The following KCNH6 variants were observed in gnomAD, a reference collection of about 807,000 sequenced individuals.
KCNH6 encodes potassium voltage-gated channel subfamily H member 6.
KCNH6 carries 81 observed loss-of-function variants against 83.4 expected under a neutral mutation model. That is an observed-to-expected ratio of 0.97 (90% CI 0.81 to 1.17). KCNH6 has a LOEUF of 1.17. KCNH6 is among the 50% of genes most tolerant of loss of function. The pLI, the probability that KCNH6 is intolerant of heterozygous loss-of-function variation, is 0.00. For synonymous variants in KCNH6, 503 were observed against 545.6 expected (o/e 0.92, Z 1.09); for missense variants, 1,203 against 1,290.5 (o/e 0.93, Z 1.04).
Position 63,545,714 on chromosome 17 carries a change from T to C in KCNH6, c.2689T>C (p.Ser897Pro), listed in dbSNP as rs1339279169. The C allele has an allele frequency of 6.2e-7, 1 of 1,614,014 alleles. No individual in the cohort carries two copies. Among genetic ancestry groups the C allele is most frequent in the South Asian group, 1.1e-5 (1 of 91,076 alleles). Reference protein sequence around the residue: ...VATDKTLAPSSEQEQPEGLWP... With the variant: ...VATDKTLAPSPEQEQPEGLWP... ...AACGGACAAAACTCTGGCACCATCC[T>C]CAGAACAGGAACAGCCTGAGGGGCT... The change falls in exon 13 of 13, where the codon TCA becomes CCA. Residue 897 changes from serine (S) to proline (P), a missense_variant. Physicochemically the swap from Ser to Pro is moderately conservative, Grantham distance 74. Transcript: ENST00000314672.
chr17:63,535,615 T>G lies in KCNH6; in HGVS notation c.1102-54T>G. ...ATGAGTGAACAAAAGCAGGCCTGAC[T>G]GCACCCTTCCAAGGGCTGACCCCAG... On this transcript the variant is annotated intron_variant, in intron 5 of 12. Coordinates refer to ENST00000314672, the MANE Select transcript of KCNH6 (RefSeq NM_001278919.2). This position sits in a 1 kb window ranked among gnomAD's most constrained non-coding sequence, Gnocchi z 4.9. 6.6e-7 allele frequency: 1 copy of G among 1,519,776 alleles called. No individual in the cohort carries two copies. Among genetic ancestry groups the G allele is most frequent in the Non-Finnish European group, 8.9e-7 (1 of 1,124,038 alleles). The allele number at this position is 1,519,776 out of a possible 1,614,324, so 94.1% of individuals were successfully genotyped here. A position where few individuals can be genotyped will look rare whatever the true frequency, so the allele number is the denominator to read the frequency against.
chr17:63,541,077 T>C (rs951297518), intron 8 of KCNH6, among the ~76,000 whole-genome samples: 1 of 152,154 alleles, frequency 6.6e-6, no homozygotes, highest in Non-Finnish European at 1.5e-5. Flanking sequence ...TGCTGTAAAC[T>C]TGTTGGCTGC....
At chr17:63,532,497 G>T (rs1346554492) in intron 4 of KCNH6, among the ~76,000 whole-genome samples, 2 of 152,190 alleles carry the variant, frequency 1.3e-5, no homozygotes, top group Non-Finnish European at 2.9e-5. Flanking sequence ...CAGGGGCAGG[G>T]AGAAAATAAA....
In KCNH6 at chr17:63,542,430, G is replaced by A. The variant is rs76596875; in HGVS notation, c.2144G>A (p.Arg715Gln). ...AAGCTGGAGGTCACCTTCAACCTGCGGGACGTGAGTCAGGGCCAGGTGGGC... is the reference window on the plus strand; with the variant it reads ...AAGCTGGAGGTCACCTTCAACCTGCAGGACGTGAGTCAGGGCCAGGTGGGC... Reference protein sequence around the residue: ...WSKLEVTFNLRDAAGGLHSSP... With the variant: ...WSKLEVTFNLQDAAGGLHSSP... The change falls in exon 9 of 13, where the codon CGG (arginine) becomes CAG (glutamine). Residue 715 changes from arginine to glutamine, a missense_variant. Physicochemically the swap from Arg to Gln is conservative, Grantham distance 43 (BLOSUM62 1). Transcript: ENST00000314672. 14 of 1,613,630 alleles carry A rather than the reference G, an allele frequency of 8.7e-6. No homozygotes were observed. The highest frequency in any genetic ancestry group is 1.1e-5 in the South Asian group (1 of 91,074).
At position 63,537,928 on chromosome 17, in the gene KCNH6, C is replaced by A. The variant is rs1258336732; in HGVS notation, c.1502-137C>A. 3.7e-6 allele frequency: 3 copies of A among 815,350 alleles called. No individual in the cohort carries two copies. In the African/African-American group the frequency reaches 5.1e-5, roughly 14 times the overall value. 50.5% of individuals were successfully genotyped at this position (815,350 alleles called of 1,614,324 possible). Reference sequence around the variant, plus strand: ...TGTCCCGCATGTGCCCTGGCGCTGTCCTGGTCACTCCTGACTTCTCCCTGG... The same window carrying A: ...TGTCCCGCATGTGCCCTGGCGCTGTACTGGTCACTCCTGACTTCTCCCTGG... On this transcript the variant is annotated intron_variant, in intron 6 of 12. Transcript: ENST00000314672.
chr17:63,530,095 C>T lies in KCNH6; in HGVS notation c.312C>T (p.Ser104=). 2 of 1,613,204 alleles carry T rather than the reference C, an allele frequency of 1.2e-6. No individual in the cohort carries two copies. The highest frequency in any genetic ancestry group is 2.7e-5 in the African/African-American group (2 of 75,042). The part of the protein sequence containing the change: ...VDILYYRKDA[S]SFRCLVDVVP... ...TCCTCCCAATGGTGTTCGCAGCCTC[C>T]AGCTTCCGCTGCCTGGTAGATGTGG... Residue 104 remains serine, a synonymous_variant, in exon 3 of 13, where the codon TCC becomes TCT. Coordinates refer to ENST00000314672, the MANE Select transcript of KCNH6 (RefSeq NM_001278919.2).
intron 6 of KCNH6, among the ~76,000 whole-genome samples, chr17:63,536,392 C>T (rs2032501263): frequency 6.6e-6 from 1 of 152,328 alleles, no homozygotes; most frequent in East Asian, 1.9e-4. Flanking sequence ...GCTGTAATCC[C>T]AGCACTCCAG....
chr17:63,545,601 C>T lies in KCNH6; in HGVS notation c.2584-8C>T. The T allele has an allele frequency of 6.2e-7, 1 of 1,607,818 alleles. No homozygotes were observed. Among genetic ancestry groups the T allele is most frequent in the Non-Finnish European group, 8.5e-7 (1 of 1,175,942 alleles). On this transcript the variant is annotated splice_region_variant and splice_polypyrimidine_tract_variant and intron_variant, in intron 12 of 12. Transcript: ENST00000314672. ...CTGGGGTGCATCCCTCTTTCTTGCT[C>T]CTCCCAGACCCCAAGCTATGGAGAC...
Position 63,534,362 on chromosome 17 carries a change from G to T in KCNH6, c.1101+51G>T. The T allele has an allele frequency of 6.5e-7, 1 of 1,532,454 alleles. No homozygotes were observed. The highest frequency in any genetic ancestry group is 8.9e-7 in the Non-Finnish European group (1 of 1,128,574). 94.9% of individuals were successfully genotyped at this position (1,532,454 alleles called of 1,614,324 possible). ...AGCCATGGCTGTCCTCTGCACGCTG[G>T]CCTCAAGCCCTCCCTGCTGCACAGC... On this transcript the variant is annotated intron_variant, in intron 5 of 12. Coordinates refer to ENST00000314672, the MANE Select transcript of KCNH6 (RefSeq NM_001278919.2). The surrounding 1 kb of genome is among the most constrained non-coding windows in gnomAD (Gnocchi z 5.0).
At chr17:63,539,338 C>G (rs2032729101) in intron 8 of KCNH6, among the ~76,000 whole-genome samples, 1 of 152,144 alleles carries the variant, frequency 6.6e-6, no homozygotes, top group Admixed American at 6.5e-5. Context: ...CCCTCCCCCT[C>G]TGCTTCCTCT....
At chr17:63,527,041 C>A (rs1231691599) in intron 2 of KCNH6, among the ~76,000 whole-genome samples, 1 of 152,154 alleles carries the variant, frequency 6.6e-6, no homozygotes, top group Admixed American at 6.5e-5. Flanking sequence ...CCCACTGTCA[C>A]CCACGCCTGC....
rs537360990 is a variant in KCNH6, at chr17:63,526,155, C to T, written c.307+1786C>T. Among the ~76,000 whole-genome samples, 27 of 152,266 alleles carry T rather than the reference C, an allele frequency of 1.8e-4. No individual in the cohort carries two copies. In the South Asian group the frequency reaches 3.5e-3, roughly 20 times the overall value. ...GAACCTTGTCTTGGGGGCTGACCCT[C>T]GGTGAAAATGGGAAATTGCCCACAT... On this transcript the variant is annotated intron_variant, in intron 2 of 12. Transcript: ENST00000314672.
At chr17:63,540,989 C>T (rs1369998000) in intron 8 of KCNH6, among the ~76,000 whole-genome samples, 1 of 152,198 alleles carries the variant, frequency 6.6e-6, no homozygotes, top group Admixed American at 6.5e-5. Context: ...CCCCAGCCAC[C>T]CCTGGCAGGA....
rs1314277271 is a variant in KCNH6, at chr17:63,545,108, C to T, written c.2427C>T (p.Ser809=). The change falls in exon 12 of 13, where the codon AGC becomes AGT. Residue 809 remains serine, a synonymous_variant. Coordinates refer to ENST00000314672, the MANE Select transcript of KCNH6 (RefSeq NM_001278919.2). ...RLESRVSSDL[S]RILQLLQKPM... ...AGTCCCGCGTGTCCTCAGACCTCAG[C>T]CGCATCTTGCAGCTCCTCCAGAAGC... 6.2e-6 allele frequency: 10 copies of T among 1,613,656 alleles called. No individual in the cohort carries two copies. The highest frequency in any genetic ancestry group is 8.5e-6 in the Non-Finnish European group (10 of 1,180,018).
intron 10 of KCNH6, chr17:63,543,869 G>C (rs1407015125): frequency 1.6e-6 from 1 of 631,230 alleles, no homozygotes; most frequent in African/African-American, 1.8e-5. Context: ...GGCAGAGTGA[G>C]GGCTCTGTGG....
In KCNH6 at chr17:63,534,266, C is replaced by T. The variant is rs747310071; in HGVS notation, c.1056C>T (p.Ala352=). Residue 352 remains alanine, a synonymous_variant, in exon 5 of 13, where the codon GCC becomes GCT. Coordinates refer to ENST00000314672, the MANE Select transcript of KCNH6 (RefSeq NM_001278919.2). This position sits in a 1 kb window ranked among gnomAD's most constrained non-coding sequence, Gnocchi z 5.0. ...FKGWFLIDMV[A]AIPFDLLIFR... Reference sequence around the variant, plus strand: ...GCTGGTTCCTCATTGACATGGTGGCCGCCATCCCTTTCGACCTCCTGATCT... The same window carrying T: ...GCTGGTTCCTCATTGACATGGTGGCTGCCATCCCTTTCGACCTCCTGATCT... 25 of 1,613,982 alleles carry T rather than the reference C, an allele frequency of 1.5e-5. No homozygotes were observed. In the Admixed American group the frequency reaches 2.2e-4, roughly 14 times the overall value.
intron 4 of KCNH6, 31 bp downstream of exon 4, chr17:63,530,573 C>T: frequency 6.9e-6 from 11 of 1,603,886 alleles, no homozygotes; most frequent in Non-Finnish European, 9.4e-6. Context: ...GTGTGCAGAG[C>T]TGTGCCAGGC....
At chr17:63,525,256 T>C (rs1339402849) in intron 2 of KCNH6, among the ~76,000 whole-genome samples, 5 of 152,204 alleles carry the variant, frequency 3.3e-5, no homozygotes, top group Admixed American at 2.6e-4. Context: ...GGTAAATCCC[T>C]TCATTTCATA....
intron 8 of KCNH6, among the ~76,000 whole-genome samples, chr17:63,540,383 G>A (rs2032787651): frequency 6.6e-6 from 1 of 151,914 alleles, no homozygotes. Context: ...AGTAAACCAA[G>A]ATCACGCCAC....
Sources: gnomAD v4.1 joint callset for allele counts (sites outside exome capture counted in the v4.1 genomes callset) on GRCh38, gnomAD v4.1.1 for gene constraint, Gnocchi (gnomAD v3.1) non-coding constraint, MANE v1.5 for transcripts, NCBI Gene and HGNC (gene_info 2026-07-23, HGNC 2026-07-21) for gene names.